Variants in EIF4E observed in about 807,000 individuals in gnomAD.
The protein encoded by EIF4E is eukaryotic translation initiation factor 4E.
For missense variants in EIF4E, 113 were observed against 265.6 expected, an observed-to-expected ratio of 0.43 and a Z score of 3.99; for synonymous variants, 71 against 88.5, an observed-to-expected ratio of 0.80 and a Z score of 1.11.
At chr4:98,911,090 C>T (rs892302034) in intron 1 of EIF4E, among the ~76,000 whole-genome samples, 5 of 151,102 alleles carry the variant, frequency 3.3e-5, no homozygotes, top group African/African-American at 1.2e-4. Context: ...TGCCCTGTTG[C>T]CCAGGCTGGA....
At chr4:98,883,824 G>A (rs1398234011) in intron 6 of EIF4E, among the ~76,000 whole-genome samples, 1 of 152,008 alleles carries the variant, frequency 6.6e-6, no homozygotes, top group Non-Finnish European at 1.5e-5. Flanking sequence ...GCTTGATCAA[G>A]TCCAGGAGTT....
chr4:98,924,432 A>C (rs1410116207), intron 1 of EIF4E, among the ~76,000 whole-genome samples: 2 of 152,042 alleles, frequency 1.3e-5, no homozygotes, highest in South Asian at 4.2e-4. Context: ...TTTTTTGCCT[A>C]CAGTTTTCTG....
At chr4:98,915,169 T>C (rs1040110779) in intron 1 of EIF4E, among the ~76,000 whole-genome samples, 2 of 152,172 alleles carry the variant, frequency 1.3e-5, no homozygotes, top group African/African-American at 2.4e-5. Flanking sequence ...TAGGCTGGTC[T>C]TGAACTCCTG....
chr4:98,896,057 G>GT (rs1344514859), intron 2 of EIF4E, among the ~76,000 whole-genome samples: 1 of 151,924 alleles, frequency 6.6e-6, no homozygotes, highest in African/African-American at 2.4e-5. Flanking sequence ...TTGGCTAGGC[G>GT]TGGTGGCACG....
chr4:98,910,190 T>C (rs781768529), intron 1 of EIF4E, among the ~76,000 whole-genome samples: 4 of 152,166 alleles, frequency 2.6e-5, no homozygotes, highest in Non-Finnish European at 4.4e-5. Flanking sequence ...CTTCCTTATC[T>C]GTAATAAAGG....
intron 2 of EIF4E, 68 bp from the exon 3 acceptor site, chr4:98,891,400 A>G: frequency 7.0e-7 from 1 of 1,435,732 alleles, no homozygotes; most frequent in Non-Finnish European, 9.6e-7. Context: ...CATTATTCAC[A>G]AAAGTCAAAA....
At chr4:98,891,941 C>T (rs1724158182) in intron 2 of EIF4E, among the ~76,000 whole-genome samples, 2 of 152,150 alleles carry the variant, frequency 1.3e-5, no homozygotes, top group Admixed American at 1.3e-4. Flanking sequence ...TACCTAGAGA[C>T]CCAAGACACA....
chr4:98,906,523 TA>T (rs1430653846), intron 1 of EIF4E, among the ~76,000 whole-genome samples: 10 of 151,992 alleles, frequency 6.6e-5, no homozygotes, highest in Non-Finnish European at 1.5e-4. Context: ...TAGAAATTTT[TA>T]AAAAAAGGCC....
intron 1 of EIF4E, among the ~76,000 whole-genome samples, chr4:98,919,224 G>A (rs1231308524): frequency 1.3e-5 from 2 of 151,564 alleles, no homozygotes; most frequent in Non-Finnish European, 2.9e-5. Context: ...GGAGTCACCT[G>A]AACCCGGGAG....
chr4:98,891,368 T>C, intron 2 of EIF4E, 36 bp from the exon 3 acceptor site: 1 of 1,567,702 alleles, frequency 6.4e-7, no homozygotes, highest in South Asian at 1.1e-5. Flanking sequence ...AAATGGTAGC[T>C]GCATACCCAT....
In EIF4E at chr4:98,896,228, T is replaced by C. The variant is rs576098216; in HGVS notation, c.126-4896A>G. Among the ~76,000 whole-genome samples the C allele has an allele frequency of 2.0e-5, 3 of 151,478 alleles. No individual in the cohort carries two copies. The South Asian group carries it at 6.3e-4, about 32-fold the overall frequency. ...TAAAATAAAATAAAATAAAATAAGC[T>C]AGGCATGATGGCATGTGTCTATAGT... On this transcript the variant is annotated intron_variant, in intron 2 of 6. Transcript: ENST00000450253.
chr4:98,886,780 T>G, intron 5 of EIF4E: 2 of 381,576 alleles, frequency 5.2e-6, no homozygotes, highest in South Asian at 4.4e-5. Flanking sequence ...TTGCAAAAAC[T>G]TCAATCATAC....
chr4:98,901,189 C>G (rs1724629865), intron 2 of EIF4E, among the ~76,000 whole-genome samples: 1 of 151,572 alleles, frequency 6.6e-6, no homozygotes, highest in African/African-American at 2.4e-5. Flanking sequence ...TTTCCATGAC[C>G]ACCACTGTCT....
Position 98,887,035 on chromosome 4 carries a change from T to C in EIF4E, c.399+44A>G, listed in dbSNP as rs773526884. 2.5e-6 allele frequency: 4 copies of C among 1,585,308 alleles called. No homozygotes were observed. The Admixed American group carries it at 6.7e-5, about 26-fold the overall frequency. The stretch of plus-strand genomic sequence containing the variant: ...CATAACATATCTTAAGTATCAGTAT[T>C]CCAAAACTACCTCTAAAACTGCTTT... On this transcript the variant is annotated intron_variant, in intron 5 of 6. Coordinates refer to ENST00000450253, the MANE Select transcript of EIF4E (RefSeq NM_001968.5). This position sits in a 1 kb window ranked among gnomAD's most constrained non-coding sequence, Gnocchi z 4.0.
intron 3 of EIF4E, among the ~76,000 whole-genome samples, chr4:98,889,564 T>C (rs1724065776): frequency 6.6e-6 from 1 of 152,304 alleles, no homozygotes; most frequent in African/African-American, 2.4e-5. Flanking sequence ...TCAATGGTTA[T>C]CTGCAATAAA....
chr4:98,887,308 A>T lies in EIF4E; in HGVS notation c.286-116T>A. 2 of 1,068,876 alleles carry T rather than the reference A, an allele frequency of 1.9e-6. No homozygotes were observed. The highest frequency in any genetic ancestry group is 2.9e-6 in the Non-Finnish European group (2 of 691,140). 66.2% of individuals were successfully genotyped at this position (1,068,876 alleles called of 1,614,324 possible). A position where few individuals can be genotyped will look rare whatever the true frequency, so the allele number is the denominator to read the frequency against. ...AACTTCTTACTTTATTGCCCATAAA[A>T]CTGCCATTGATGTAGTTTTTAAACA... On this transcript the variant is annotated intron_variant, in intron 4 of 6. Transcript: ENST00000450253. This position sits in a 1 kb window ranked among gnomAD's most constrained non-coding sequence, Gnocchi z 4.0.
chr4:98,924,190 G>C (rs568175277), intron 1 of EIF4E, among the ~76,000 whole-genome samples: 6 of 151,376 alleles, frequency 4.0e-5, no homozygotes, highest in African/African-American at 1.5e-4. Flanking sequence ...AGCTTCTCCT[G>C]CCTCAGCCTC....
At chr4:98,884,412 T>C (rs1176998372) in intron 6 of EIF4E, among the ~76,000 whole-genome samples, 1 of 151,222 alleles carries the variant, frequency 6.6e-6, no homozygotes, top group Admixed American at 6.6e-5. Flanking sequence ...ATAAAAAACA[T>C]ATGAAAAAGG....
intron 1 of EIF4E, among the ~76,000 whole-genome samples, chr4:98,917,111 CACACACACACACACACACACACAA>C (rs1167175760): frequency 1.3e-5 from 1 of 79,834 alleles, no homozygotes; most frequent in South Asian, 3.3e-4. Flanking sequence ...CACACACACA[CACACACACACACACACACACACAA>C]AAAAAACCCA....
Sources: allele counts gnomAD v4.1 joint callset (sites outside exome capture counted in the v4.1 genomes callset), GRCh38; gene constraint gnomAD v4.1.1; non-coding constraint Gnocchi (gnomAD v3.1); transcripts MANE v1.5; gene names NCBI Gene and HGNC (gene_info 2026-07-23, HGNC 2026-07-21).